Variants in CCDC91 observed in about 807,000 individuals in gnomAD.
CCDC91 encodes the protein coiled-coil domain containing 91.
A neutral mutation model predicts 63.2 loss-of-function variants in CCDC91; 48 were observed. That is an observed-to-expected ratio of 0.76 (90% CI 0.60 to 0.97). The LOEUF is 0.97. Among genes scored for constraint, CCDC91 ranks in the 50% least tolerant of loss-of-function variants. CCDC91 has a pLI of 0.00. For missense variants in CCDC91, 500 were observed against 494.6 expected, an observed-to-expected ratio of 1.01 and a Z score of -0.10; for synonymous variants, 167 against 165.8, an observed-to-expected ratio of 1.01 and a Z score of -0.06.
chr12:28,308,418 C>G (rs750919385), intron 6 of CCDC91, among the ~76,000 whole-genome samples: 1 of 152,004 alleles, frequency 6.6e-6, no homozygotes, highest in Non-Finnish European at 1.5e-5. Flanking sequence ...ACCATTCCCC[C>G]CATTGCAGCC....
intron 12 of CCDC91, among the ~76,000 whole-genome samples, chr12:28,528,059 T>C (rs2141570186): frequency 6.6e-6 from 1 of 152,200 alleles, no homozygotes; most frequent in South Asian, 2.1e-4. Context: ...GCTTTCCTTC[T>C]CCCCCCACCT....
At chr12:28,224,893 C>T (rs1305465868) in intron 1 of CCDC91, among the ~76,000 whole-genome samples, 1 of 152,106 alleles carries the variant, frequency 6.6e-6, no homozygotes, top group African/African-American at 2.4e-5. Flanking sequence ...TTCTAGCTAA[C>T]AAGTGAATAT....
At chr12:28,371,019 T>C (rs1944585002) in intron 7 of CCDC91, among the ~76,000 whole-genome samples, 1 of 152,164 alleles carries the variant, frequency 6.6e-6, no homozygotes, top group South Asian at 2.1e-4. Flanking sequence ...CCAAACCATA[T>C]CAATCTTCCT....
At chr12:28,460,684 T>C (rs7136886) in intron 11 of CCDC91, among the ~76,000 whole-genome samples, 58,302 of 147,792 alleles carry the variant, frequency 0.39, 11,577 homozygotes, top group Middle Eastern at 0.49. Flanking sequence ...CTGAAGCGTT[T>C]AGCCTTGAAA....
rs779543081 is a variant in CCDC91, at chr12:28,450,235, G to A, written c.837G>A (p.Gln279=). 2.5e-6 allele frequency: 4 copies of A among 1,607,756 alleles called. No individual in the cohort carries two copies. The highest frequency in any genetic ancestry group is 2.7e-5 in the African/African-American group (2 of 74,664). The change falls in exon 9 of 13, where the codon CAG becomes CAA. Residue 279 remains glutamine, a synonymous_variant. Transcript: ENST00000536442. ...LKEKIKEALI[Q]QSQEQKEILE... is the part of the protein sequence containing the mutation. Reference sequence around the variant, plus strand: ...AAAAAATAAAGGAAGCTTTGATTCAGCAATCTCAAGAACAGAAGGTAATAC... The same window carrying A: ...AAAAAATAAAGGAAGCTTTGATTCAACAATCTCAAGAACAGAAGGTAATAC...
At chr12:28,512,924 A>G (rs565146693) in intron 12 of CCDC91, among the ~76,000 whole-genome samples, 2 of 152,026 alleles carry the variant, frequency 1.3e-5, no homozygotes, top group Admixed American at 6.6e-5. Flanking sequence ...CTTATATTAT[A>G]TGGCCTTTCC....
At chr12:28,310,947 A>T (rs988315042) in intron 6 of CCDC91, among the ~76,000 whole-genome samples, 1 of 151,822 alleles carries the variant, frequency 6.6e-6, no homozygotes, top group Admixed American at 6.6e-5. Flanking sequence ...CCAAGTTGAG[A>T]TTTTTCTGAT....
At chr12:28,521,701 C>T (rs1000165661) in intron 12 of CCDC91, among the ~76,000 whole-genome samples, 1 of 152,112 alleles carries the variant, frequency 6.6e-6, no homozygotes, top group African/African-American at 2.4e-5. Flanking sequence ...ATGATATTGG[C>T]TGTGGGTTTG....
At chr12:28,270,059 TTAA>T (rs1947646268) in intron 3 of CCDC91, among the ~76,000 whole-genome samples, 1 of 152,028 alleles carries the variant, frequency 6.6e-6, no homozygotes, top group Admixed American at 6.6e-5. Flanking sequence ...TAATAATGAT[TTAA>T]TAATTTCATT....
At chr12:28,267,528 T>G (rs891974488) in intron 3 of CCDC91, among the ~76,000 whole-genome samples, 5 of 149,464 alleles carry the variant, frequency 3.3e-5, no homozygotes, top group African/African-American at 1.2e-4. Flanking sequence ...CTTGAAAGAT[T>G]ATTTAAAATT....
chr12:28,246,262 T>TG (rs1945724406), intron 1 of CCDC91, among the ~76,000 whole-genome samples: 1 of 152,022 alleles, frequency 6.6e-6, no homozygotes, highest in Non-Finnish European at 1.5e-5. Flanking sequence ...AAAAATAAAT[T>TG]AAGGATTGTG....
intron 8 of CCDC91, among the ~76,000 whole-genome samples, chr12:28,442,977 T>C (rs909348343): frequency 1.1e-4 from 16 of 152,122 alleles, no homozygotes; most frequent in Admixed American, 1.0e-3. Flanking sequence ...TGCAGGAGGC[T>C]TTTATGAGGT....
intron 1 of CCDC91, among the ~76,000 whole-genome samples, chr12:28,217,343 T>G (rs961204283): frequency 2.0e-5 from 3 of 152,172 alleles, no homozygotes; most frequent in Non-Finnish European, 4.4e-5. Flanking sequence ...GAGCTAAGTT[T>G]AGTTGAACAT....
intron 11 of CCDC91, among the ~76,000 whole-genome samples, chr12:28,468,852 A>G (rs1472071496): frequency 7.2e-5 from 11 of 152,102 alleles, no homozygotes; most frequent in Non-Finnish European, 1.0e-4. Flanking sequence ...GATCATTTCA[A>G]TCGATGTTGA....
At chr12:28,536,951 A>G (rs1259911894) in intron 12 of CCDC91, among the ~76,000 whole-genome samples, 4 of 152,178 alleles carry the variant, frequency 2.6e-5, no homozygotes, top group Non-Finnish European at 5.9e-5. Flanking sequence ...TATATATGCC[A>G]TAAGATCCTG....
chr12:28,520,893 A>G (rs1356366041), intron 12 of CCDC91, among the ~76,000 whole-genome samples: 1 of 151,922 alleles, frequency 6.6e-6, no homozygotes, highest in Non-Finnish European at 1.5e-5. Context: ...GATGTGTGGT[A>G]TTATTTCTGA....
chr12:28,305,216 T>G (rs1324020113), intron 3 of CCDC91, among the ~76,000 whole-genome samples: 1 of 152,118 alleles, frequency 6.6e-6, no homozygotes, highest in Non-Finnish European at 1.5e-5. Flanking sequence ...TATTGCTCAC[T>G]GCTGTCTCTT....
In CCDC91 at chr12:28,452,508, T is replaced by C; in HGVS notation, c.955T>C (p.Leu319=). Residue 319 remains leucine (L), a synonymous_variant, in exon 11 of 13, where the codon TTA becomes CTA. Transcript: ENST00000536442. Reference sequence around the variant, plus strand: ...AAAAGAAGCAGTGAAGGATGCAGTTTTAAAAGTCGTAGAAGAAGAAAGAAA... The same window carrying C: ...AAAAGAAGCAGTGAAGGATGCAGTTCTAAAAGTCGTAGAAGAAGAAAGAAA... ...LEKEAVKDAV[L]KVVEEERKNL... 1 of 1,582,268 alleles carries C rather than the reference T, an allele frequency of 6.3e-7. No individual in the cohort carries two copies. Among genetic ancestry groups the C allele is most frequent in the Non-Finnish European group, 8.6e-7 (1 of 1,164,938 alleles).
intron 7 of CCDC91, among the ~76,000 whole-genome samples, chr12:28,367,423 A>G (rs1182184860): frequency 2.0e-5 from 3 of 152,240 alleles, no homozygotes; most frequent in African/African-American, 7.2e-5. Flanking sequence ...TGAAAAAAAT[A>G]GAAATTACCC....
Sources: allele counts gnomAD v4.1 joint callset (sites outside exome capture counted in the v4.1 genomes callset), GRCh38; gene constraint gnomAD v4.1.1; transcripts MANE v1.5; gene names NCBI Gene and HGNC (gene_info 2026-07-23, HGNC 2026-07-21).